Variants in NOSTRIN observed in about 807,000 individuals in gnomAD.
NOSTRIN encodes the protein BM247 homolog.
NOSTRIN carries 63 observed loss-of-function variants against 59.0 expected under a neutral mutation model. The observed-to-expected ratio is 1.07, with a 90% CI of 0.87 to 1.32. NOSTRIN has a LOEUF of 1.32. Among genes scored for constraint, NOSTRIN ranks in the 40% most tolerant of loss-of-function variants. The pLI, the probability that NOSTRIN is intolerant of heterozygous loss-of-function variation, is 0.00. For synonymous variants in NOSTRIN, 200 were observed against 165.4 expected, an observed-to-expected ratio of 1.21 and a Z score of -1.61; for missense variants, 512 against 473.1, an observed-to-expected ratio of 1.08 and a Z score of -0.76.
chr2:168,856,586 T>C (rs184661066), intron 11 of NOSTRIN, 104 bp from the exon 12 acceptor site: 3 of 874,022 alleles, frequency 3.4e-6, no homozygotes, highest in Non-Finnish European at 5.3e-6. Context: ...AAAAAAAAAA[T>C]CTCACTGGTA....
intron 1 of NOSTRIN, among the ~76,000 whole-genome samples, chr2:168,804,696 T>C (rs1029229558): frequency 1.3e-5 from 2 of 152,196 alleles, no homozygotes; most frequent in Non-Finnish European, 2.9e-5. Flanking sequence ...GCTTAGCTAC[T>C]GTTCTTAACC....
At chr2:168,800,204 G>A (rs889530379), upstream of NOSTRIN, among the ~76,000 whole-genome samples, 2 of 152,196 alleles carry the variant, frequency 1.3e-5, no homozygotes, top group Non-Finnish European at 2.9e-5. Flanking sequence ...GCCCTGTGTA[G>A]ATGACCTGCT....
chr2:168,831,338 C>T, intron 5 of NOSTRIN, 134 bp from the exon 6 acceptor site: 1 of 605,466 alleles, frequency 1.7e-6, no homozygotes, highest in Admixed American at 2.5e-5. Flanking sequence ...TTCTCAGAGC[C>T]TCCACCTCCA....
intron 1 of NOSTRIN, among the ~76,000 whole-genome samples, chr2:168,806,308 T>TG (rs1685849527): frequency 1.3e-5 from 2 of 152,104 alleles, no homozygotes; most frequent in Non-Finnish European, 2.9e-5. Context: ...TAAAAATAAA[T>TG]TTTTCTATAA....
chr2:168,814,944 G>T (rs977274712), intron 2 of NOSTRIN, among the ~76,000 whole-genome samples: 2 of 152,080 alleles, frequency 1.3e-5, no homozygotes, highest in Non-Finnish European at 2.9e-5. Flanking sequence ...GATAGTTAAG[G>T]GTTTTTAAAA....
intron 8 of NOSTRIN, among the ~76,000 whole-genome samples, chr2:168,850,317 C>T (rs557330442): frequency 1.4e-4 from 22 of 152,296 alleles, no homozygotes; most frequent in Admixed American, 1.4e-3. Flanking sequence ...TCTGTCATCT[C>T]ACACAAAATA....
intron 2 of NOSTRIN, among the ~76,000 whole-genome samples, chr2:168,822,894 T>A (rs1686831391): frequency 6.6e-6 from 1 of 152,246 alleles, no homozygotes; most frequent in Non-Finnish European, 1.5e-5. Flanking sequence ...TTCTGCTTGG[T>A]TAATCCAATC....
upstream of NOSTRIN, among the ~76,000 whole-genome samples, chr2:168,799,260 TAA>T (rs1559100097): frequency 1.3e-5 from 2 of 152,142 alleles, no homozygotes; most frequent in African/African-American, 4.8e-5. Context: ...CTACTTATAT[TAA>T]GTTGGCCTCA....
chr2:168,848,473 T>C (rs762891827), intron 8 of NOSTRIN, among the ~76,000 whole-genome samples: 6 of 152,244 alleles, frequency 3.9e-5, no homozygotes, highest in Admixed American at 6.5e-5. Flanking sequence ...AAAGCTAAAG[T>C]TGCATGTGAT....
chr2:168,797,568 T>C (rs1428335991), upstream of NOSTRIN, among the ~76,000 whole-genome samples: 1 of 152,178 alleles, frequency 6.6e-6, no homozygotes, highest in East Asian at 1.9e-4. Flanking sequence ...GACTTCCCAC[T>C]GGAAGGGACA....
At position 168,833,741 on chromosome 2, in the gene NOSTRIN, C is replaced by G. The variant is rs565980050; in HGVS notation, c.406-486C>G. 2.6e-5 allele frequency among the ~76,000 whole-genome samples: 4 copies of G among 152,308 alleles called. No homozygotes were observed. The South Asian group carries it at 8.3e-4, about 32-fold the overall frequency. On this transcript the variant is annotated intron_variant, in intron 6 of 15. Coordinates refer to ENST00000317647, the MANE Select transcript of NOSTRIN (RefSeq NM_001039724.4). ...CACAAGATGCCAGACAAATGCCCAA[C>G]TCTCAGGCTTGGCCATCAGGGAGCA...
At chr2:168,790,044 C>T (rs72881764) in intron 2 of NOSTRIN, among the ~76,000 whole-genome samples, 12,815 of 152,244 alleles carry the variant, frequency 0.084, 687 homozygotes, top group Middle Eastern at 0.12. Context: ...CGAGTTAGCT[C>T]ATTCTTGTTT....
At chr2:168,854,446 A>G (rs1459158845) in intron 10 of NOSTRIN, among the ~76,000 whole-genome samples, 3 of 151,682 alleles carry the variant, frequency 2.0e-5, no homozygotes, top group African/African-American at 7.3e-5. Flanking sequence ...CAACCTCCTC[A>G]CTCCAACTCT....
At chr2:168,792,091 T>G (rs1314330765) in intron 2 of NOSTRIN, among the ~76,000 whole-genome samples, 1 of 152,164 alleles carries the variant, frequency 6.6e-6, no homozygotes, top group Non-Finnish European at 1.5e-5. Context: ...TGCCTAGGTT[T>G]TCTTCTAGGG....
At chr2:168,788,535 G>A (rs1455211742) in intron 2 of NOSTRIN, among the ~76,000 whole-genome samples, 2 of 152,118 alleles carry the variant, frequency 1.3e-5, no homozygotes, top group African/African-American at 4.8e-5. Flanking sequence ...GGAGGAGGAA[G>A]CATGAAGAAT....
At chr2:168,792,745 G>T (rs534313897) in intron 2 of NOSTRIN, among the ~76,000 whole-genome samples, 5 of 152,206 alleles carry the variant, frequency 3.3e-5, no homozygotes, top group African/African-American at 9.6e-5. Flanking sequence ...CTCCGAAAGT[G>T]CTGGGATTAT....
At chr2:168,835,835 C>T (rs1476949985) in intron 7 of NOSTRIN, among the ~76,000 whole-genome samples, 1 of 152,090 alleles carries the variant, frequency 6.6e-6, no homozygotes, top group Non-Finnish European at 1.5e-5. Context: ...TGTTTTCAGG[C>T]AAAATGAACA....
intron 4 of NOSTRIN, 58 bp downstream of exon 4, chr2:168,828,278 G>T: frequency 3.4e-6 from 3 of 871,978 alleles, no homozygotes; most frequent in Non-Finnish European, 6.0e-6. Context: ...TATTTAAAGT[G>T]GGTTTGCTAC....
intron 7 of NOSTRIN, among the ~76,000 whole-genome samples, chr2:168,837,739 A>G (rs1367935321): frequency 1.3e-5 from 2 of 152,052 alleles, no homozygotes; most frequent in Non-Finnish European, 2.9e-5. Flanking sequence ...ATCGAAAACA[A>G]TGTCTTCTCA....
Sources: allele counts gnomAD v4.1 joint callset (sites outside exome capture counted in the v4.1 genomes callset), GRCh38; gene constraint gnomAD v4.1.1; transcripts MANE v1.5; gene names NCBI Gene and HGNC (gene_info 2026-07-23, HGNC 2026-07-21).